The following GRPEL1 variants were observed in gnomAD, a reference collection of about 807,000 sequenced individuals.
The protein encoded by GRPEL1 is grpE protein homolog 1, mitochondrial.
In GRPEL1, 13 loss-of-function variants were observed where a neutral mutation model predicts 22.1. The ratio of observed to expected loss-of-function variants is 0.59; its 90% confidence interval spans 0.38 to 0.94. The LOEUF is 0.94. Ranked by LOEUF, GRPEL1 falls within the 40% of genes least tolerant of loss-of-function variation. The pLI is 0.00. For synonymous variants in GRPEL1, 109 were observed against 105.3 expected, an observed-to-expected ratio of 1.03 and a Z score of -0.21; for missense variants, 289 against 264.6, an observed-to-expected ratio of 1.09 and a Z score of -0.64.
chr4:7,062,511 TATA>T (rs747719687), intron 2 of GRPEL1, 45 bp from the exon 3 acceptor site: 5 of 377,378 alleles, frequency 1.3e-5, no homozygotes, highest in East Asian at 7.4e-5. Context: ...TATATATATA[TATA>T]TCTTTTTTTT....
In GRPEL1 at chr4:7,062,435, T is replaced by G. The variant is rs1339370044; in HGVS notation, c.257A>C (p.Glu86Ala). 6.3e-7 allele frequency: 1 copy of G among 1,594,996 alleles called. No homozygotes were observed. Among genetic ancestry groups the G allele is most frequent in the Non-Finnish European group, 8.6e-7 (1 of 1,167,220 alleles). Residue 86 changes from glutamate to alanine, a missense_variant, in exon 3 of 4, where the codon GAG becomes GCG. Coordinates refer to ENST00000264954, the MANE Select transcript of GRPEL1 (RefSeq NM_025196.4). ...TTTCTGGCTCCTCTGCCGTAAGTTC[T>G]CAGTGTCTGCCAAAGCTCGTTTATA... ...EKYKRALADTENLRQRSQKLV... is the reference protein window; with the variant it reads ...EKYKRALADTANLRQRSQKLV...
rs1186688906 is a variant in GRPEL1 at position 7,062,508 on chromosome 4, A to G, written c.226-42T>C. On this transcript the variant is annotated intron_variant, in intron 2 of 3. Transcript: ENST00000264954. Reference sequence around the variant, plus strand: ...GGGATATTTATATATATATATATATATATATATCTTTTTTTTTGAGACGGA... The same window carrying G: ...GGGATATTTATATATATATATATATGTATATATCTTTTTTTTTGAGACGGA... 5.2e-4 allele frequency: 246 copies of G among 474,766 alleles called. 11 individuals carry two copies. The highest frequency in any genetic ancestry group is 3.3e-3 in the Middle Eastern group (6 of 1,792). 29.4% of individuals were successfully genotyped at this position (474,766 alleles called of 1,614,324 possible).
chr4:7,063,335 T>A (rs1167474822), intron 2 of GRPEL1, among the ~76,000 whole-genome samples: 1 of 152,140 alleles, frequency 6.6e-6, no homozygotes, highest in Non-Finnish European at 1.5e-5. Flanking sequence ...GCAATCCTCT[T>A]GCCTCAACCT....
At position 7,060,660 on chromosome 4, in the gene GRPEL1, C is replaced by T. The variant is rs1022027464; in HGVS notation, c.*202G>A. On this transcript the variant is annotated 3_prime_UTR_variant, in exon 4 of 4. Transcript: ENST00000264954. Reference sequence around the variant, plus strand: ...TGAAAGTATGTGGAACTATTCAACGCGTGGCACTAAAAGGGAACAGACTCC... The same window carrying T: ...TGAAAGTATGTGGAACTATTCAACGTGTGGCACTAAAAGGGAACAGACTCC... The T allele has an allele frequency of 6.7e-6, 4 of 597,930 alleles. No individual in the cohort carries two copies. Among genetic ancestry groups the T allele is most frequent in the African/African-American group, 1.9e-5 (1 of 53,902 alleles). The allele number at this position is 597,930 out of a possible 1,614,324, so 37.0% of individuals were successfully genotyped here. A position where few individuals can be genotyped will look rare whatever the true frequency, so the allele number is the denominator to read the frequency against.
chr4:7,065,072 G>C (rs1420586377), intron 1 of GRPEL1, among the ~76,000 whole-genome samples: 1 of 152,178 alleles, frequency 6.6e-6, no homozygotes, highest in African/African-American at 2.4e-5. Flanking sequence ...AGGTGACTGA[G>C]ACAGTCTGCC....
At chr4:7,063,531 C>A (rs1039984439) in intron 2 of GRPEL1, among the ~76,000 whole-genome samples, 8 of 152,240 alleles carry the variant, frequency 5.3e-5, no homozygotes, top group African/African-American at 1.7e-4. Flanking sequence ...TGGCTCCGCA[C>A]CTGGCAGCCA....
chr4:7,064,338 GA>G (rs1200909864), intron 1 of GRPEL1, 115 bp from the exon 2 acceptor site: 4 of 1,034,398 alleles, frequency 3.9e-6, no homozygotes, highest in Non-Finnish European at 5.5e-6. Context: ...TACTTGGGGA[GA>G]AAACATTTCT....
At chr4:7,064,867 T>G (rs906786956) in intron 1 of GRPEL1, among the ~76,000 whole-genome samples, 1 of 152,080 alleles carries the variant, frequency 6.6e-6, no homozygotes, top group Non-Finnish European at 1.5e-5. Context: ...CAATCATAAC[T>G]CACTGTAACC....
In GRPEL1 at chr4:7,059,245, T is replaced by TG. The variant is rs1278466618; in HGVS notation, c.*1616dup. The stretch of plus-strand genomic sequence containing the variant: ...ATAACCAACTTATAGTGACTATGGA[T>TG]GACTGAAGCTTACTGTAAAAAAATA... On this transcript the variant is annotated 3_prime_UTR_variant, in exon 4 of 4. Transcript: ENST00000264954. The TG allele has an allele frequency of 6.6e-6, 1 of 152,264 alleles. No individual in the cohort carries two copies. The highest frequency in any genetic ancestry group is 1.5e-5 in the Non-Finnish European group (1 of 68,050). 9.4% of individuals were successfully genotyped at this position (152,264 alleles called of 1,614,324 possible).
At chr4:7,064,539 CTTTT>C (rs1041683393) in intron 1 of GRPEL1, among the ~76,000 whole-genome samples, 1 of 150,926 alleles carries the variant, frequency 6.6e-6, no homozygotes, top group African/African-American at 2.4e-5. Context: ...ATATGTATTT[CTTTT>C]TTTTTGAGAG....
chr4:7,062,276 A>ACCCC (rs11422620), intron 3 of GRPEL1, 109 bp downstream of exon 3: 5 of 310,322 alleles, frequency 1.6e-5, no homozygotes, highest in South Asian at 4.0e-5. Flanking sequence ...CAACAGCTGG[A>ACCCC]CCCCCCACCC....
chr4:7,062,285 C>T, intron 3 of GRPEL1, 100 bp downstream of exon 3: 1 of 517,716 alleles, frequency 1.9e-6, no homozygotes, highest in Non-Finnish European at 3.6e-6. Context: ...GACCCCCCAC[C>T]CCACAGCCTT....
At position 7,060,800 on chromosome 4, in the gene GRPEL1, A is replaced by C. The variant is rs1724022379; in HGVS notation, c.*62T>G. 1.4e-6 allele frequency: 2 copies of C among 1,410,386 alleles called. No homozygotes were observed. The highest frequency in any genetic ancestry group is 4.6e-5 in the East Asian group (2 of 43,730). The allele number at this position is 1,410,386 out of a possible 1,614,324, so 87.4% of individuals were successfully genotyped here. A position where few individuals can be genotyped will look rare whatever the true frequency, so the allele number is the denominator to read the frequency against. On this transcript the variant is annotated 3_prime_UTR_variant, in exon 4 of 4. Coordinates refer to ENST00000264954, the MANE Select transcript of GRPEL1 (RefSeq NM_025196.4). ...TCACACGTACTCATAGATGAGAAACAATGAACCAGCCTTGAGAGTTACATC... is the reference window on the plus strand; with the variant it reads ...TCACACGTACTCATAGATGAGAAACCATGAACCAGCCTTGAGAGTTACATC...
intron 2 of GRPEL1, 22 bp from the exon 3 acceptor site, chr4:7,062,488 A>ATT (rs1491321458): frequency 3.1e-6 from 2 of 646,196 alleles, no homozygotes; most frequent in African/African-American, 6.6e-5. Context: ...AAAAAGGGAT[A>ATT]TTTATATATA....
intron 2 of GRPEL1, 46 bp from the exon 3 acceptor site, chr4:7,062,512 A>C (rs536724132): frequency 3.2e-4 from 91 of 286,782 alleles, no homozygotes; most frequent in African/African-American, 2.2e-3. Flanking sequence ...ATATATATAT[A>C]TATCTTTTTT....
intron 3 of GRPEL1, chr4:7,061,450 A>G: frequency 4.2e-6 from 2 of 475,194 alleles, no homozygotes; most frequent in East Asian, 7.6e-5. Flanking sequence ...AGTGCAGTAG[A>G]GGGGAAAATA....
At chr4:7,062,277 C>CT (rs943513907) in intron 3 of GRPEL1, 108 bp downstream of exon 3, 3 of 280,794 alleles carry the variant, frequency 1.1e-5, no homozygotes, top group African/African-American at 5.5e-5. Context: ...AACAGCTGGA[C>CT]CCCCCACCCC....
rs113063443 is a variant in GRPEL1 at position 7,064,232 on chromosome 4, A to G, written c.63-9T>C. The G allele has an allele frequency of 1.2e-6, 2 of 1,610,514 alleles. No homozygotes were observed. The highest frequency in any genetic ancestry group is 4.5e-5 in the East Asian group (2 of 44,782). Reference sequence around the variant, plus strand: ...ACAACCGGGGAGATGGCCTACAGGGAAGTCCACACGTGAGAAACGAAGACT... The same window carrying G: ...ACAACCGGGGAGATGGCCTACAGGGGAGTCCACACGTGAGAAACGAAGACT... On this transcript the variant is annotated splice_polypyrimidine_tract_variant and intron_variant, in intron 1 of 3. Transcript: ENST00000264954.
intron 1 of GRPEL1, among the ~76,000 whole-genome samples, chr4:7,065,846 C>T (rs746775665): frequency 1.4e-4 from 19 of 138,806 alleles, no homozygotes; most frequent in Non-Finnish European, 2.3e-4. Flanking sequence ...TCACCAGGAC[C>T]AGAGGACCTC....
Sources: allele counts gnomAD v4.1 joint callset (sites outside exome capture counted in the v4.1 genomes callset), GRCh38; gene constraint gnomAD v4.1.1; transcripts MANE v1.5; gene names NCBI Gene and HGNC (gene_info 2026-07-23, HGNC 2026-07-21).